KIAA1217: variants seen among roughly 807,000 people sequenced by gnomAD.
KIAA1217 encodes sickle tail protein homolog.
Under a neutral mutation model 163.9 loss-of-function variants are expected in KIAA1217, and 88 were observed. The ratio of observed to expected loss-of-function variants is 0.54; its 90% CI spans 0.45 to 0.64. The LOEUF (loss-of-function observed/expected upper bound fraction) is 0.64, where lower values mean the gene tolerates loss of function less well. Ranked by LOEUF, KIAA1217 falls within the 30% of genes least tolerant of loss-of-function variation. KIAA1217 has a pLI of 0.00. For missense variants in KIAA1217, 2,372 were observed against 2,475.0 expected, an observed-to-expected ratio of 0.96 and a Z score of 0.88; for synonymous variants, 903 against 923.1, an observed-to-expected ratio of 0.98 and a Z score of 0.39.
At chr10:24,090,284 A>G (rs1486395382) in intron 2 of KIAA1217, among the ~76,000 whole-genome samples, 1 of 120,316 alleles carries the variant, frequency 8.3e-6, no homozygotes, top group African/African-American at 3.4e-5. Context: ...CTTCCTCCTT[A>G]GCCTCCTAAG....
At chr10:23,999,668 C>T (rs181682660) in intron 1 of KIAA1217, among the ~76,000 whole-genome samples, 66 of 152,122 alleles carry the variant, frequency 4.3e-4, no homozygotes, top group Admixed American at 1.3e-3. Context: ...CCCAATAATG[C>T]GAAGGAGTTT....
chr10:23,936,728 CT>C (rs775714293), intron 1 of KIAA1217, among the ~76,000 whole-genome samples: 7 of 152,134 alleles, frequency 4.6e-5, no homozygotes, highest in Admixed American at 1.3e-4. Context: ...GGATTTCAGA[CT>C]TTAGGCCTCC....
chr10:24,101,202 C>A (rs923414465), intron 2 of KIAA1217, among the ~76,000 whole-genome samples: 16 of 152,202 alleles, frequency 1.1e-4, no homozygotes, highest in African/African-American at 3.9e-4. Context: ...AAAAGCACTC[C>A]TGTGTTAACA....
chr10:24,151,465 C>G (rs1018431471), intron 2 of KIAA1217, among the ~76,000 whole-genome samples: 1 of 142,292 alleles, frequency 7.0e-6, no homozygotes, highest in Non-Finnish European at 1.5e-5. Context: ...TAGTATGCAT[C>G]GGGCATGGTT....
At chr10:24,057,929 G>C (rs1302935330) in intron 2 of KIAA1217, among the ~76,000 whole-genome samples, 1 of 151,966 alleles carries the variant, frequency 6.6e-6, no homozygotes, top group African/African-American at 2.4e-5. Flanking sequence ...GTCTATTTTT[G>C]TTTTCGTTAC....
intron 1 of KIAA1217, among the ~76,000 whole-genome samples, chr10:23,876,303 G>A (rs548564929): frequency 1.1e-3 from 165 of 151,780 alleles, no homozygotes; most frequent in African/African-American, 3.8e-3. Context: ...CATAAAGATG[G>A]GAACAGTAGA....
chr10:24,520,034 A>C (rs2070846568), intron 10 of KIAA1217, 89 bp from the exon 11 acceptor site: 1 of 1,471,674 alleles, frequency 6.8e-7, no homozygotes, highest in Non-Finnish European at 9.3e-7. Context: ...TCTACACAAA[A>C]TCAGAGGCTG....
At chr10:23,864,248 T>A (rs1301941426) in intron 1 of KIAA1217, among the ~76,000 whole-genome samples, 1 of 151,950 alleles carries the variant, frequency 6.6e-6, no homozygotes, top group Non-Finnish European at 1.5e-5. Context: ...TGCCCTGAAA[T>A]GAACTTACCT....
At chr10:24,301,599 C>T (rs753024846) in intron 2 of KIAA1217, among the ~76,000 whole-genome samples, 19 of 152,206 alleles carry the variant, frequency 1.2e-4, no homozygotes, top group Non-Finnish European at 2.4e-4. Context: ...GACACTGTAG[C>T]TTCATCCCCA....
chr10:24,474,079 G>T lies in KIAA1217; in HGVS notation c.1679+19G>T. The T allele has an allele frequency of 6.4e-7, 1 of 1,558,012 alleles. No homozygotes were observed. The highest frequency in any genetic ancestry group is 1.2e-5 in the South Asian group (1 of 82,610). On this transcript the variant is annotated intron_variant, in intron 6 of 20. Transcript: ENST00000376454. ...AGACCAGGTAAGGTGCAGTGAGGGT[G>T]ACCGAGGGTGGTACCTGGGCCCATG... is the stretch of plus-strand genomic sequence containing the variant.
At chr10:24,166,073 A>G (rs1371925465) in intron 2 of KIAA1217, among the ~76,000 whole-genome samples, 2 of 152,174 alleles carry the variant, frequency 1.3e-5, no homozygotes, top group Non-Finnish European at 2.9e-5. Context: ...ATTTTTTGAA[A>G]GTCATTTTTC....
chr10:24,360,704 G>A (rs1229885105), intron 2 of KIAA1217, among the ~76,000 whole-genome samples: 1 of 152,084 alleles, frequency 6.6e-6, no homozygotes, highest in East Asian at 1.9e-4. Context: ...CTAGGTTCAG[G>A]GCACCCCCTT....
intron 1 of KIAA1217, among the ~76,000 whole-genome samples, chr10:23,975,310 G>A (rs1007696468): frequency 2.6e-5 from 4 of 152,068 alleles, no homozygotes; most frequent in African/African-American, 7.2e-5. Context: ...GTGAGATCTC[G>A]TTTCAGGGAA....
chr10:24,493,754 C>A (rs990779073), intron 6 of KIAA1217, among the ~76,000 whole-genome samples: 3 of 152,108 alleles, frequency 2.0e-5, no homozygotes, highest in African/African-American at 7.2e-5. Context: ...CATCATCTAC[C>A]TTCAAATAAA....
chr10:24,031,378 G>A (rs1848180226), intron 2 of KIAA1217, among the ~76,000 whole-genome samples: 1 of 152,128 alleles, frequency 6.6e-6, no homozygotes, highest in Middle Eastern at 3.2e-3. Flanking sequence ...ACTGCTCACT[G>A]CAGCCTTGAC....
rs530465846 is a variant in KIAA1217 at position 24,509,147 on chromosome 10, T to C, written c.2002-4112T>C. 7.2e-5 allele frequency among the ~76,000 whole-genome samples: 11 copies of C among 152,346 alleles called. No individual in the cohort carries two copies. The East Asian group carries it at 2.1e-3, about 29-fold the overall frequency. On this transcript the variant is annotated intron_variant, in intron 9 of 20. Transcript: ENST00000376454. The stretch of plus-strand genomic sequence containing the variant: ...TTGAGCTTCCAAAAAGTAATTTACT[T>C]GAAGCATTTAGAGAAAGATGGTGAT...
At chr10:24,084,697 C>A (rs1049852161) in intron 2 of KIAA1217, among the ~76,000 whole-genome samples, 1 of 152,074 alleles carries the variant, frequency 6.6e-6, no homozygotes, top group African/African-American at 2.4e-5. Flanking sequence ...ACTGAGGGAA[C>A]ATTTCCAAAG....
intron 2 of KIAA1217, among the ~76,000 whole-genome samples, chr10:24,180,111 A>C (rs1336377636): frequency 6.6e-6 from 1 of 152,076 alleles, no homozygotes; most frequent in Non-Finnish European, 1.5e-5. Context: ...GGTGGCAGAG[A>C]GTTCCTTCTG....
chr10:24,483,978 G>A (rs1178082133), intron 6 of KIAA1217, among the ~76,000 whole-genome samples: 1 of 151,956 alleles, frequency 6.6e-6, no homozygotes, highest in Non-Finnish European at 1.5e-5. Flanking sequence ...GTGCCACAGA[G>A]AGCCCTGGAT....
Sources: allele counts gnomAD v4.1 joint callset (sites outside exome capture counted in the v4.1 genomes callset), GRCh38; gene constraint gnomAD v4.1.1; transcripts MANE v1.5; gene names NCBI Gene and HGNC (gene_info 2026-07-23, HGNC 2026-07-21).